DISP1: variants seen among roughly 807,000 people sequenced by gnomAD.
DISP1 encodes dispatched RND transporter family member 1.
DISP1 carries 30 observed loss-of-function variants against 37.3 expected under a neutral mutation model. The observed-to-expected ratio is 0.80, with a 90% CI of 0.60 to 1.09. The LOEUF is 1.09. DISP1 is among the 50% of genes least tolerant of loss of function. DISP1 has a pLI of 0.00. For missense variants in DISP1, 1,598 were observed against 1,879.5 expected (o/e 0.85, Z 2.77); for synonymous variants, 634 against 690.2 (o/e 0.92, Z 1.28).
In DISP1 at chr1:223,002,963, C is replaced by T; in HGVS notation, c.1566C>T (p.Thr522=). The change falls in exon 9 of 9, where the codon ACC becomes ACT. Residue 522 remains threonine, a synonymous_variant. Transcript: ENST00000675850. The part of the protein sequence containing the change: ...VIVLLVMCVY[T]KSMFITLMTM... ...TCCTTTTAGTTATGTGTGTCTACACCAAGTCCATGTTTATCACTCTGATGA... is the reference window on the plus strand; with the variant it reads ...TCCTTTTAGTTATGTGTGTCTACACTAAGTCCATGTTTATCACTCTGATGA... 3 of 1,613,854 alleles carry T rather than the reference C, an allele frequency of 1.9e-6. No individual in the cohort carries two copies. In the South Asian group the frequency reaches 3.3e-5, roughly 18 times the overall value.
intron 3 of DISP1, among the ~76,000 whole-genome samples, chr1:222,975,550 A>G (rs1415441648): frequency 6.6e-6 from 1 of 152,068 alleles, no homozygotes; most frequent in East Asian, 1.9e-4. Flanking sequence ...TACCCCTTTC[A>G]CACTCCTTTT....
chr1:222,992,682 C>T (rs149748046), intron 7 of DISP1, among the ~76,000 whole-genome samples: 1,685 of 151,980 alleles, frequency 0.011, 37 homozygotes, highest in African/African-American at 0.039. Flanking sequence ...AGGGGCCTGG[C>T]ATATAATCCA....
rs1411316242 is a variant in DISP1, at chr1:222,906,213, T to A, written c.-158-22217T>A. On this transcript the variant is annotated intron_variant, in intron 1 of 8. Coordinates refer to ENST00000675850, the MANE Select transcript of DISP1 (RefSeq NM_001377229.1). The stretch of plus-strand genomic sequence containing the variant: ...TTAGACCCTTAGCTCTTTTTAGAGC[T>A]CTCTAAAATGGATACTAAGTTATAA... Among the ~76,000 whole-genome samples the A allele has an allele frequency of 4.6e-5, 7 of 152,234 alleles. No individual in the cohort carries two copies. In the East Asian group the frequency reaches 1.2e-3, roughly 25 times the overall value.
intron 1 of DISP1, among the ~76,000 whole-genome samples, chr1:222,836,172 A>T (rs924560597): frequency 1.3e-5 from 2 of 152,182 alleles, no homozygotes; most frequent in African/African-American, 4.8e-5. Flanking sequence ...GGGGGAAAAA[A>T]CAGCCTTAAA....
At chr1:222,819,339 A>G (rs1201768886) in intron 1 of DISP1, among the ~76,000 whole-genome samples, 2 of 152,128 alleles carry the variant, frequency 1.3e-5, no homozygotes, top group Non-Finnish European at 2.9e-5. Flanking sequence ...CTGTGTGAGA[A>G]TGGACTAATA....
intron 1 of DISP1, among the ~76,000 whole-genome samples, chr1:222,864,909 C>T (rs942865559): frequency 3.3e-5 from 5 of 152,100 alleles, no homozygotes; most frequent in African/African-American, 4.8e-5. Context: ...ATTATTAACT[C>T]TGTGAGTAAT....
intron 2 of DISP1, among the ~76,000 whole-genome samples, chr1:222,941,786 G>A (rs546670724): frequency 4.6e-5 from 7 of 152,256 alleles, no homozygotes; most frequent in East Asian, 3.9e-4. Flanking sequence ...AGAGATTCCT[G>A]CACAAGCCGT....
At chr1:222,894,357 T>C (rs370890699) in intron 1 of DISP1, among the ~76,000 whole-genome samples, 1 of 152,178 alleles carries the variant, frequency 6.6e-6, no homozygotes, top group Non-Finnish European at 1.5e-5. Flanking sequence ...TGCAGGCCAA[T>C]GCTGAGCCAC....
chr1:222,928,507 G>C lies in DISP1; in HGVS notation c.-81G>C, dbSNP rs577581144. ...TGCTGTGATCCTGCAGTCAGTTGCC[G>C]CTGTTGCTACTGCAATCATTTGCAC... On this transcript the variant is annotated 5_prime_UTR_variant, in exon 2 of 9. Coordinates refer to ENST00000675850, the MANE Select transcript of DISP1 (RefSeq NM_001377229.1). The C allele has an allele frequency of 6.6e-6, 1 of 152,190 alleles. No individual in the cohort carries two copies. Among genetic ancestry groups the C allele is most frequent in the African/African-American group, 2.4e-5 (1 of 41,454 alleles). 9.4% of individuals were successfully genotyped at this position (152,190 alleles called of 1,614,324 possible). A position where few individuals can be genotyped will look rare whatever the true frequency, so the allele number is the denominator to read the frequency against.
chr1:222,940,059 G>A (rs1674269965), intron 2 of DISP1, among the ~76,000 whole-genome samples: 1 of 151,686 alleles, frequency 6.6e-6, no homozygotes, highest in Non-Finnish European at 1.5e-5. Flanking sequence ...CTGGGAGGTG[G>A]AGCTTACAGT....
At chr1:222,972,022 T>TA (rs1177951253) in intron 3 of DISP1, among the ~76,000 whole-genome samples, 1 of 152,100 alleles carries the variant, frequency 6.6e-6, no homozygotes, top group Non-Finnish European at 1.5e-5. Context: ...TTGAACAACT[T>TA]ATTTGTGTTG....
In DISP1 at chr1:223,005,658, G is replaced by A; in HGVS notation, c.4261G>A (p.Asp1421Asn). 6.2e-7 allele frequency: 1 copy of A among 1,614,064 alleles called. No individual in the cohort carries two copies. The change falls in exon 9 of 9, where the codon GAC becomes AAC. Residue 1421 changes from aspartate (D) to asparagine (N), a missense_variant. Transcript: ENST00000675850. ...ACAAAGGGAACTCTGTAAAAATAGA[G>A]ACGTGAGCAATCTGGAGAGCAGTGG... Reference protein sequence around the residue: ...NKQRELCKNRDVSNLESSGGT... With the variant: ...NKQRELCKNRNVSNLESSGGT...
At chr1:222,852,317 AG>A (rs1668308653) in intron 1 of DISP1, among the ~76,000 whole-genome samples, 1 of 151,604 alleles carries the variant, frequency 6.6e-6, no homozygotes, top group Non-Finnish European at 1.5e-5. Context: ...TTGGCCAAAT[AG>A]CCAAAGTTGT....
intron 8 of DISP1, among the ~76,000 whole-genome samples, chr1:222,996,465 G>A (rs1209833627): frequency 6.6e-6 from 1 of 152,150 alleles, no homozygotes; most frequent in Non-Finnish European, 1.5e-5. Flanking sequence ...CCTTGGATGA[G>A]TACAGTTCAT....
intron 7 of DISP1, among the ~76,000 whole-genome samples, chr1:222,994,389 A>G (rs1678912602): frequency 6.6e-6 from 1 of 152,310 alleles, no homozygotes; most frequent in Admixed American, 6.5e-5. Context: ...CATGTACTCG[A>G]CCAGAATGTG....
At chr1:222,914,257 C>G (rs1200320419) in intron 1 of DISP1, among the ~76,000 whole-genome samples, 1 of 152,048 alleles carries the variant, frequency 6.6e-6, no homozygotes, top group Non-Finnish European at 1.5e-5. Flanking sequence ...ATGTGTATTA[C>G]TATATACAAA....
intron 1 of DISP1, among the ~76,000 whole-genome samples, chr1:222,914,451 A>G (rs1672380381): frequency 6.6e-6 from 1 of 152,192 alleles, no homozygotes; most frequent in Non-Finnish European, 1.5e-5. Context: ...ATGTGTTACC[A>G]GGACCTTACC....
At chr1:222,818,468 C>G (rs1004222307) in intron 1 of DISP1, among the ~76,000 whole-genome samples, 2 of 152,098 alleles carry the variant, frequency 1.3e-5, no homozygotes, top group Non-Finnish European at 2.9e-5. Flanking sequence ...TTGATTTTCA[C>G]TGTGTTAGTG....
chr1:222,977,890 A>G (rs1475585700), intron 3 of DISP1, among the ~76,000 whole-genome samples: 1 of 152,220 alleles, frequency 6.6e-6, no homozygotes, highest in African/African-American at 2.4e-5. Context: ...GCTGCATAGT[A>G]TTCCATGGTG....
Sources: allele counts gnomAD v4.1 joint callset (sites outside exome capture counted in the v4.1 genomes callset), GRCh38; gene constraint gnomAD v4.1.1; transcripts MANE v1.5; gene names NCBI Gene and HGNC (gene_info 2026-07-23, HGNC 2026-07-21).